S100PBP: variants seen among roughly 807,000 people sequenced by gnomAD.
The protein encoded by S100PBP is S100P binding protein.
S100PBP carries 15 observed loss-of-function variants against 39.9 expected under a neutral mutation model. That is an observed-to-expected ratio of 0.38 (90% CI 0.25 to 0.58). S100PBP has a LOEUF of 0.58. Among genes scored for constraint, S100PBP ranks in the 20% least tolerant of loss-of-function variants. The pLI, the probability that S100PBP is intolerant of heterozygous loss-of-function variation, is 0.70. For synonymous variants in S100PBP, 178 were observed against 180.3 expected (o/e 0.99, Z 0.10); for missense variants, 504 against 487.3 (o/e 1.03, Z -0.32).
chr1:32,845,168 G>A (rs1294218493), intron 5 of S100PBP, among the ~76,000 whole-genome samples: 2 of 152,084 alleles, frequency 1.3e-5, no homozygotes. Context: ...GGGACTACAG[G>A]CGCCCGCCAC....
At chr1:32,844,323 T>C (rs142832964) in intron 5 of S100PBP, among the ~76,000 whole-genome samples, 167 of 152,250 alleles carry the variant, frequency 1.1e-3, no homozygotes, top group African/African-American at 3.7e-3. Flanking sequence ...AGTGTTGGGG[T>C]TACAGGTGTG....
chr1:32,855,000 A>G (rs6673337), intron 6 of S100PBP, among the ~76,000 whole-genome samples: 15,582 of 152,268 alleles, frequency 0.1, 867 homozygotes, highest in South Asian at 0.14. Context: ...CAAGGACTTA[A>G]TGAAAATACT....
chr1:32,835,278 A>G (rs184744029), intron 5 of S100PBP: 111 of 152,322 alleles, frequency 7.3e-4, no homozygotes, highest in African/African-American at 2.5e-3. Flanking sequence ...GTTGTAATCA[A>G]TTATAGCTAC....
intron 5 of S100PBP, among the ~76,000 whole-genome samples, chr1:32,840,988 G>A (rs1412988029): frequency 7.3e-5 from 11 of 151,544 alleles, no homozygotes; most frequent in Admixed American, 5.9e-4. Flanking sequence ...GTGAAACCCC[G>A]TCTCTACTAA....
At chr1:32,839,081 G>A (rs916252066) in intron 5 of S100PBP, among the ~76,000 whole-genome samples, 3 of 152,032 alleles carry the variant, frequency 2.0e-5, no homozygotes, top group Middle Eastern at 3.4e-3. Context: ...GGCACACATC[G>A]CTGCACCCAC....
chr1:32,854,229 C>T (rs1442514683), intron 6 of S100PBP, among the ~76,000 whole-genome samples: 1 of 152,168 alleles, frequency 6.6e-6, no homozygotes, highest in Non-Finnish European at 1.5e-5. Context: ...CCAGGACCCT[C>T]TCTGGATACC....
chr1:32,843,248 G>T (rs995604559), intron 5 of S100PBP: 59 of 152,234 alleles, frequency 3.9e-4, no homozygotes, highest in African/African-American at 1.4e-3. Context: ...TGACTTGGAT[G>T]CCTTTTATTT....
chr1:32,845,598 C>G (rs990265512), intron 5 of S100PBP, among the ~76,000 whole-genome samples: 4 of 151,810 alleles, frequency 2.6e-5, no homozygotes, highest in Admixed American at 6.6e-5. Flanking sequence ...TGAGAACTTT[C>G]TATTTTCTCT....
chr1:32,840,144 T>C lies in S100PBP; in HGVS notation c.1024+10077T>C, dbSNP rs144058741. ...GGATAACAGGTGTGCATCCACCATA[T>C]CCGGCTAATTTTTGTATTTTTAGTA... On this transcript the variant is annotated intron_variant, in intron 5 of 6. Transcript: ENST00000373475. Among the ~76,000 whole-genome samples, 552 of 152,148 alleles carry C rather than the reference T, an allele frequency of 3.6e-3. 4 individuals carry two copies. The highest frequency in any genetic ancestry group is 0.027 in the Middle Eastern group (8 of 294).
In S100PBP at chr1:32,855,931, G is replaced by A. The variant is rs778880970; in HGVS notation, c.1120G>A (p.Ala374Thr). Residue 374 changes from alanine to threonine, a missense_variant, in exon 7 of 7, where the codon GCC becomes ACC. Ala to Thr is a moderately conservative substitution (Grantham distance 58). Coordinates refer to ENST00000373475, the MANE Select transcript of S100PBP (RefSeq NM_022753.4). ...CTCTCCCTCTCTCGATAGAAACTAC[G>A]CCCGCCGACAGAAACATCTGCAAAG... The part of the protein sequence containing the change: ...HPSDLTTRNY[A>T]RRQKHLQRYS... 3.1e-6 allele frequency: 5 copies of A among 1,610,838 alleles called. No homozygotes were observed. Among genetic ancestry groups the A allele is most frequent in the East Asian group, 2.2e-5 (1 of 44,760 alleles).
upstream of S100PBP, chr1:32,817,588 G>C (rs1029155443): frequency 2.1e-6 from 1 of 470,098 alleles, no homozygotes; most frequent in Non-Finnish European, 3.9e-6. Flanking sequence ...GTGTTGGCCC[G>C]GCTGACTCGG....
At position 32,823,964 on chromosome 1, in the gene S100PBP, C is replaced by T. The variant is rs191931549; in HGVS notation, c.-119-1349C>T. Among the ~76,000 whole-genome samples the T allele has an allele frequency of 4.4e-3, 672 of 152,196 alleles. 3 individuals are homozygous for T. Among genetic ancestry groups the T allele is most frequent in the Non-Finnish European group, 6.2e-3 (419 of 68,014 alleles). ...CTATAATCCCAGCACTTTGGGAGGC[C>T]GAGGCAGGCGGATCACAAGGTCAGG... On this transcript the variant is annotated intron_variant, in intron 1 of 6. Transcript: ENST00000373475.
intron 1 of S100PBP, among the ~76,000 whole-genome samples, chr1:32,820,144 CTT>C (rs5773387): frequency 9.5e-6 from 1 of 104,824 alleles, no homozygotes. Context: ...CGTTCCTATG[CTT>C]TTTTTTTTTT....
chr1:32,826,266 A>G lies in S100PBP; in HGVS notation c.167A>G (p.Glu56Gly), dbSNP rs1298572877. The part of the protein sequence containing the change: ...EDDGDVNYTE[E>G]EIDALLKEDD... ...GATGGTGATGTAAATTACACAGAGG[A>G]AGAGATTGATGCACTGTTGAAGGAA... Residue 56 changes from glutamate to glycine, a missense_variant, in exon 3 of 7, where the codon GAA becomes GGA. Physicochemically the swap from Glu to Gly is moderately conservative, Grantham distance 98. Coordinates refer to ENST00000373475, the MANE Select transcript of S100PBP (RefSeq NM_022753.4). 1 of 1,614,140 alleles carries G rather than the reference A, an allele frequency of 6.2e-7. No homozygotes were observed. Among genetic ancestry groups the G allele is most frequent in the East Asian group, 2.2e-5 (1 of 44,880 alleles).
chr1:32,823,155 A>C (rs1639163766), intron 1 of S100PBP, among the ~76,000 whole-genome samples: 1 of 152,216 alleles, frequency 6.6e-6, no homozygotes, highest in Admixed American at 6.5e-5. Context: ...TGAACTCTCC[A>C]TTTGGCCAAC....
At chr1:32,831,079 C>CAAA (rs35054997) in intron 5 of S100PBP, among the ~76,000 whole-genome samples, 412 of 144,994 alleles carry the variant, frequency 2.8e-3, no homozygotes, top group African/African-American at 0.01. Context: ...GACTCTGTCT[C>CAAA]AAAAAAAAAA....
intron 5 of S100PBP, among the ~76,000 whole-genome samples, chr1:32,840,095 C>G (rs927259890): frequency 4.6e-5 from 7 of 152,296 alleles, no homozygotes; most frequent in African/African-American, 1.7e-4. Context: ...AGCGATTCTC[C>G]TGTCTCAGCC....
intron 5 of S100PBP, among the ~76,000 whole-genome samples, chr1:32,849,685 C>A (rs1640531793): frequency 6.6e-6 from 1 of 152,110 alleles, no homozygotes; most frequent in African/African-American, 2.4e-5. Flanking sequence ...AATTATTGAG[C>A]CATTGTTTAC....
upstream of S100PBP, chr1:32,817,359 G>A: frequency 2.2e-6 from 3 of 1,374,094 alleles, no homozygotes; most frequent in Non-Finnish European, 1.0e-6. Flanking sequence ...TGCATCAGCT[G>A]GGCTCGGCGC....
Sources: gnomAD v4.1 joint callset for allele counts (sites outside exome capture counted in the v4.1 genomes callset) on GRCh38, gnomAD v4.1.1 for gene constraint, MANE v1.5 for transcripts, NCBI Gene and HGNC (gene_info 2026-07-23, HGNC 2026-07-21) for gene names.